MTUS2: variants seen among roughly 807,000 people sequenced by gnomAD.
MTUS2 encodes the protein microtubule associated scaffold protein 2.
A neutral mutation model predicts 114.1 loss-of-function variants in MTUS2; 40 were observed. The ratio of observed to expected loss-of-function variants is 0.35; its 90% CI spans 0.27 to 0.46. The LOEUF (loss-of-function observed/expected upper bound fraction) is 0.46, where lower values mean the gene tolerates loss of function less well. Ranked by LOEUF, MTUS2 falls within the 20% of genes least tolerant of loss-of-function variation. The probability of loss-of-function intolerance (pLI) is 1.00; values close to 1 mark genes in which losing one functional copy is unlikely to be tolerated. For missense variants in MTUS2, 1,679 were observed against 1,705.4 expected, an observed-to-expected ratio of 0.98 and a Z score of 0.27; for synonymous variants, 688 against 672.0, an observed-to-expected ratio of 1.02 and a Z score of -0.37.
Position 29,052,155 on chromosome 13 carries a change from T to C in MTUS2, c.2446+18030T>C, listed in dbSNP as rs565959856. 2.0e-5 allele frequency among the ~76,000 whole-genome samples: 3 copies of C among 152,258 alleles called. No homozygotes were observed. The South Asian group carries it at 6.2e-4, about 32-fold the overall frequency. On this transcript the variant is annotated intron_variant, in intron 4 of 15. Coordinates refer to ENST00000612955, the MANE Select transcript of MTUS2 (RefSeq NM_001033602.4). ...TTTTACAAAATATTGTCTGCAGTCA[T>C]TTTGCAGTCCTTTTGCTCAGCTTTT...
At chr13:29,395,175 G>C (rs1428141097) in intron 8 of MTUS2, among the ~76,000 whole-genome samples, 1 of 152,136 alleles carries the variant, frequency 6.6e-6, no homozygotes, top group Non-Finnish European at 1.5e-5. Flanking sequence ...CAAAGAGTCT[G>C]TTTTTCCAGT....
intron 9 of MTUS2, among the ~76,000 whole-genome samples, chr13:29,454,934 A>T (rs542549047): frequency 6.6e-6 from 1 of 152,326 alleles, no homozygotes; most frequent in East Asian, 1.9e-4. Context: ...AACCACCAGT[A>T]CACAGCTATA....
chr13:29,359,442 T>A lies in MTUS2; in HGVS notation c.3086T>A (p.Leu1029His). The change falls in exon 8 of 16, where the codon CTC becomes CAC. Residue 1029 changes from leucine to histidine, a missense_variant. This residue lies in a region of MTUS2 where 822 missense variants were observed against 899.7 expected (regional missense o/e 0.91). Coordinates refer to ENST00000612955, the MANE Select transcript of MTUS2 (RefSeq NM_001033602.4). ...AGGGCCATCTGCGGCTTTGATGCCC[T>A]CGCCGTGGCCACGCAGCATTTCTTT... Reference protein sequence around the residue: ...LKRAICGFDALAVATQHFFRK... With the variant: ...LKRAICGFDAHAVATQHFFRK... 1 of 1,612,582 alleles carries A rather than the reference T, an allele frequency of 6.2e-7. No homozygotes were observed. The highest frequency in any genetic ancestry group is 8.5e-7 in the Non-Finnish European group (1 of 1,179,554).
At chr13:28,996,304 G>GT (rs2138359871) in intron 2 of MTUS2, among the ~76,000 whole-genome samples, 1 of 152,246 alleles carries the variant, frequency 6.6e-6, no homozygotes, top group South Asian at 2.1e-4. Flanking sequence ...GTTTGCCAGT[G>GT]TTTTATTGGG....
intron 5 of MTUS2, among the ~76,000 whole-genome samples, chr13:29,178,437 G>A (rs1370732676): frequency 1.3e-5 from 2 of 152,050 alleles, no homozygotes; most frequent in Non-Finnish European, 2.9e-5. Flanking sequence ...ACCAGAGTTA[G>A]GAATTATGGT....
intron 2 of MTUS2, among the ~76,000 whole-genome samples, chr13:29,017,271 C>A (rs1886105507): frequency 6.6e-6 from 1 of 152,132 alleles, no homozygotes; most frequent in Admixed American, 6.5e-5. Flanking sequence ...GTTCATTTTT[C>A]TGTATCCTAA....
intron 2 of MTUS2, among the ~76,000 whole-genome samples, chr13:28,951,219 G>A (rs1175581998): frequency 6.6e-6 from 1 of 152,166 alleles, no homozygotes; most frequent in Non-Finnish European, 1.5e-5. Flanking sequence ...AATTAACCAA[G>A]GAGGCAGAAG....
intron 2 of MTUS2, among the ~76,000 whole-genome samples, chr13:28,935,074 G>T (rs1881830857): frequency 7.2e-6 from 1 of 139,012 alleles, no homozygotes; most frequent in Admixed American, 7.7e-5. Flanking sequence ...CATTGATCAG[G>T]TGCACTTGTG....
chr13:28,944,334 A>G (rs868694573), intron 2 of MTUS2, among the ~76,000 whole-genome samples: 6 of 152,294 alleles, frequency 3.9e-5, no homozygotes, highest in Middle Eastern at 3.4e-3. Flanking sequence ...CTAAGTGTAT[A>G]GAGAAATTTT....
intron 5 of MTUS2, among the ~76,000 whole-genome samples, chr13:29,241,156 G>T (rs1896716435): frequency 6.6e-6 from 1 of 152,170 alleles, no homozygotes; most frequent in Non-Finnish European, 1.5e-5. Flanking sequence ...AAGAGCCCCA[G>T]CCCTGGGTTA....
At chr13:29,498,654 C>A in intron 14 of MTUS2, 117 bp downstream of exon 14, 2 of 1,368,486 alleles carry the variant, frequency 1.5e-6, no homozygotes, top group Non-Finnish European at 2.0e-6. Flanking sequence ...TTGCTTACAC[C>A]CAAGCAGAAA....
intron 8 of MTUS2, among the ~76,000 whole-genome samples, chr13:29,389,487 GTATGTGTATA>G (rs1566173254): frequency 8.2e-6 from 1 of 122,010 alleles, no homozygotes; most frequent in Admixed American, 8.4e-5. Flanking sequence ...ACACGTGTGT[GTATGTGTATA>G]TATGTATACA....
chr13:29,390,756 GTGA>G (rs71090251), intron 8 of MTUS2, among the ~76,000 whole-genome samples: 29,716 of 146,514 alleles, frequency 0.2, 3,018 homozygotes, highest in Middle Eastern at 0.27. Flanking sequence ...CCACCAAATG[GTGA>G]TGATGATGAT....
intron 5 of MTUS2, among the ~76,000 whole-genome samples, chr13:29,117,070 T>G (rs982218000): frequency 5.6e-4 from 86 of 152,334 alleles, no homozygotes; most frequent in African/African-American, 2.0e-3. Context: ...GCCCTTCTCC[T>G]TCTTTGGGAG....
chr13:29,182,851 G>T (rs980074398), intron 5 of MTUS2, among the ~76,000 whole-genome samples: 7 of 152,164 alleles, frequency 4.6e-5, no homozygotes, highest in African/African-American at 1.4e-4. Flanking sequence ...CAACCACTGT[G>T]GGGGACCCTA....
At chr13:29,331,190 T>C (rs1017727201) in intron 7 of MTUS2, among the ~76,000 whole-genome samples, 1 of 152,164 alleles carries the variant, frequency 6.6e-6, no homozygotes, top group African/African-American at 2.4e-5. Flanking sequence ...TTTTTTCTCT[T>C]TGTAGCAATT....
At chr13:28,930,387 C>T (rs1038776919) in intron 2 of MTUS2, among the ~76,000 whole-genome samples, 22 of 152,122 alleles carry the variant, frequency 1.4e-4, no homozygotes, top group African/African-American at 5.1e-4. Context: ...ATCTCTGGGT[C>T]GGCTTGTGTG....
chr13:29,304,810 T>C (rs921959028), intron 6 of MTUS2, among the ~76,000 whole-genome samples: 51 of 152,248 alleles, frequency 3.3e-4, no homozygotes, highest in African/African-American at 9.6e-4. Flanking sequence ...TACAGAACTG[T>C]CCACTCAAAA....
rs374840836 is a variant in MTUS2, at chr13:29,025,166, G to A, written c.468G>A (p.Arg156=). ...VLAKRDAEIP[R]HVPKDKLAKT... ...CTAAAAGGGATGCTGAAATTCCCCG[G>A]CATGTTCCCAAGGATAAACTGGCAA... Residue 156 remains arginine, a synonymous_variant, in exon 3 of 16, where the codon CGG becomes CGA. Coordinates refer to ENST00000612955, the MANE Select transcript of MTUS2 (RefSeq NM_001033602.4). 10 of 1,613,804 alleles carry A rather than the reference G, an allele frequency of 6.2e-6. No homozygotes were observed. Among genetic ancestry groups the A allele is most frequent in the Non-Finnish European group, 6.8e-6 (8 of 1,179,878 alleles).
Sources: gnomAD v4.1 joint callset for allele counts (sites outside exome capture counted in the v4.1 genomes callset) on GRCh38, gnomAD v4.1.1 for gene constraint, gnomAD v4.1.1 regional missense constraint, MANE v1.5 for transcripts, NCBI Gene and HGNC (gene_info 2026-07-23, HGNC 2026-07-21) for gene names.